Variants in ZNF722 observed in about 807,000 individuals in gnomAD.
ZNF722 encodes the protein zinc finger protein 722.
At chr7:64,006,673 T>C in the ZNF722 span, among the ~76,000 whole-genome samples, 1 of 152,036 alleles carries the variant, frequency 6.6e-6, no homozygotes, top group Non-Finnish European at 1.5e-5. Flanking sequence ...ATTTATAAAA[T>C]TTTTTTTGCA....
chr7:64,008,940 T>C, the ZNF722 span, among the ~76,000 whole-genome samples: 2 of 152,210 alleles, frequency 1.3e-5, no homozygotes, highest in Admixed American at 6.5e-5. Flanking sequence ...TTTGAAGTTC[T>C]CCTTAAAGAG....
At chr7:63,999,126 T>G in the ZNF722 span, 8 of 1,124,364 alleles carry the variant, frequency 7.1e-6, no homozygotes, top group South Asian at 6.8e-5. Context: ...ATCCTCCTTG[T>G]CCCAGCTCGG....
the ZNF722 span, among the ~76,000 whole-genome samples, chr7:64,004,123 G>A: frequency 2.6e-5 from 4 of 151,804 alleles, no homozygotes; most frequent in East Asian, 1.9e-4. Context: ...AATTTAGGCC[G>A]GGCGCAGTGT....
At chr7:64,014,555 G>C in the ZNF722 span, among the ~76,000 whole-genome samples, 1 of 152,102 alleles carries the variant, frequency 6.6e-6, no homozygotes, top group South Asian at 2.1e-4. Context: ...GATGTGTCTT[G>C]TCTGCAATTT....
chr7:64,004,425 A>AAAAAAATAT, the ZNF722 span, among the ~76,000 whole-genome samples: 58 of 61,090 alleles, frequency 9.5e-4, no homozygotes, highest in Middle Eastern at 0.011. Flanking sequence ...AAAAAAAAAA[A>AAAAAAATAT]ATATATATAT....
the ZNF722 span, among the ~76,000 whole-genome samples, chr7:64,006,475 A>G: frequency 1.3e-5 from 2 of 152,076 alleles, no homozygotes; most frequent in Non-Finnish European, 2.9e-5. Flanking sequence ...ACATAGGGAC[A>G]CCTTCTGCCC....
At chr7:64,016,891 C>T in the ZNF722 span, among the ~76,000 whole-genome samples, 5 of 151,976 alleles carry the variant, frequency 3.3e-5, no homozygotes, top group Non-Finnish European at 7.4e-5. Flanking sequence ...GGTAGTCACA[C>T]GTTATGGTAG....
chr7:64,001,158 G>T, the ZNF722 span, among the ~76,000 whole-genome samples: 1 of 152,120 alleles, frequency 6.6e-6, no homozygotes, highest in Admixed American at 6.6e-5. Context: ...ATATCATGAA[G>T]TTTTTGTGTA....
At chr7:64,008,041 CT>C in the ZNF722 span, among the ~76,000 whole-genome samples, 1 of 152,168 alleles carries the variant, frequency 6.6e-6, no homozygotes, top group Non-Finnish European at 1.5e-5. Flanking sequence ...TAAATATCTT[CT>C]TTTGAGAAGT....
chr7:64,015,393 G>A, the ZNF722 span: 4 of 1,533,906 alleles, frequency 2.6e-6, no homozygotes, highest in Non-Finnish European at 3.6e-6. Context: ...TCATACTAAG[G>A]AGAAGTCCTA....
the ZNF722 span, among the ~76,000 whole-genome samples, chr7:64,010,739 T>C: frequency 2.0e-5 from 3 of 152,130 alleles, no homozygotes; most frequent in Non-Finnish European, 2.9e-5. Flanking sequence ...GTGTGGAGAG[T>C]TCTGTAGATG....
the ZNF722 span, among the ~76,000 whole-genome samples, chr7:64,000,871 G>A: frequency 3.3e-5 from 5 of 152,046 alleles, no homozygotes; most frequent in Middle Eastern, 3.4e-3. Context: ...TCCGTGTCCC[G>A]GGTTCAAGTG....
At chr7:63,998,911 C>G in the ZNF722 span, 1 of 1,470,072 alleles carries the variant, frequency 6.8e-7, no homozygotes, top group South Asian at 1.1e-5. Context: ...ATTCTCTGCT[C>G]CTAGAGGCCA....
chr7:64,008,335 T>C, the ZNF722 span, among the ~76,000 whole-genome samples: 2 of 152,208 alleles, frequency 1.3e-5, no homozygotes, highest in Admixed American at 6.6e-5. Flanking sequence ...ATGTCCTGTA[T>C]GGTATTGCCT....
the ZNF722 span, among the ~76,000 whole-genome samples, chr7:64,016,495 T>C: frequency 4.6e-5 from 7 of 152,224 alleles, no homozygotes; most frequent in South Asian, 1.5e-3. Flanking sequence ...ACAATATCTG[T>C]TAATTCATTC....
chr7:64,014,047 G>T, the ZNF722 span, among the ~76,000 whole-genome samples: 1 of 151,622 alleles, frequency 6.6e-6, no homozygotes, highest in Non-Finnish European at 1.5e-5. Context: ...TTATCTTGCA[G>T]CTCCCAAGAT....
At chr7:64,016,028 C>A in the ZNF722 span, 2 of 771,576 alleles carry the variant, frequency 2.6e-6, no homozygotes, top group Non-Finnish European at 4.0e-6. Context: ...AGTTCCAAAC[C>A]TTAATAGAAA....
chr7:64,010,953 T>C, the ZNF722 span, among the ~76,000 whole-genome samples: 2 of 152,248 alleles, frequency 1.3e-5, no homozygotes, highest in African/African-American at 2.4e-5. Context: ...ATATTTAGGA[T>C]AGTTAGCTCT....
chr7:64,016,018 A>C, the ZNF722 span: 1 of 816,326 alleles, frequency 1.2e-6, no homozygotes. Context: ...ACCTTTAACA[A>C]GTTCCAAACC....
Sources: allele counts gnomAD v4.1 joint callset (sites outside exome capture counted in the v4.1 genomes callset), GRCh38; gene constraint gnomAD v4.1.1; transcripts MANE v1.5; gene names NCBI Gene and HGNC (gene_info 2026-07-23, HGNC 2026-07-21).